AP3B1: variants seen among roughly 807,000 people sequenced by gnomAD.
The protein encoded by AP3B1 is adaptor related protein complex 3 subunit beta 1.
Under a neutral mutation model 132.5 loss-of-function variants are expected in AP3B1, and 61 were observed. The ratio of observed to expected loss-of-function variants is 0.46; its 90% CI spans 0.37 to 0.57. The LOEUF (loss-of-function observed/expected upper bound fraction) is 0.57, where lower values mean the gene tolerates loss of function less well. Ranked by LOEUF, AP3B1 falls within the 20% of genes least tolerant of loss-of-function variation. The pLI, the probability that AP3B1 is intolerant of heterozygous loss-of-function variation, is 0.00. For synonymous variants in AP3B1, 388 were observed against 438.3 expected, an observed-to-expected ratio of 0.89 and a Z score of 1.43; for missense variants, 1,120 against 1,289.4, an observed-to-expected ratio of 0.87 and a Z score of 2.01.
At chr5:78,290,723 C>T (rs189084695) in intron 1 of AP3B1, among the ~76,000 whole-genome samples, 3 of 152,140 alleles carry the variant, frequency 2.0e-5, no homozygotes, top group Non-Finnish European at 4.4e-5. Flanking sequence ...ATGAGGCAGG[C>T]GGATTGCTTG....
intron 21 of AP3B1, among the ~76,000 whole-genome samples, chr5:78,097,045 CGTCCGGG>C (rs1750853585): frequency 1.6e-4 from 19 of 122,410 alleles, no homozygotes; most frequent in African/African-American, 4.7e-4. Flanking sequence ...CCAGCCGCCC[CGTCCGGG>C]AGGGAGGTTG....
chr5:78,198,529 G>A (rs570397682), intron 7 of AP3B1, among the ~76,000 whole-genome samples: 1 of 152,208 alleles, frequency 6.6e-6, no homozygotes, highest in East Asian at 1.9e-4. Context: ...CCCATTATGA[G>A]GTCCCCACTC....
At chr5:78,097,495 T>G (rs1580343215) in intron 21 of AP3B1, among the ~76,000 whole-genome samples, 1 of 89,986 alleles carries the variant, frequency 1.1e-5, no homozygotes, top group African/African-American at 4.4e-5. Flanking sequence ...AGCCGCCCCG[T>G]CCGGGAGGGA....
chr5:78,195,257 G>C (rs900587362), intron 7 of AP3B1, among the ~76,000 whole-genome samples: 1 of 152,154 alleles, frequency 6.6e-6, no homozygotes, highest in Admixed American at 6.5e-5. Flanking sequence ...CTGATGAACA[G>C]TGCAGCTACG....
At chr5:78,224,895 G>C (rs1373866717) in intron 6 of AP3B1, among the ~76,000 whole-genome samples, 1 of 151,974 alleles carries the variant, frequency 6.6e-6, no homozygotes, top group Non-Finnish European at 1.5e-5. Flanking sequence ...TTTCAATAAT[G>C]AATAGAACAA....
At chr5:78,042,794 T>C (rs1392555883) in intron 22 of AP3B1, 1 of 156,510 alleles carries the variant, frequency 6.4e-6, no homozygotes, top group Non-Finnish European at 1.5e-5. Flanking sequence ...AGTTTGTTGT[T>C]CTTTTTTTCT....
At chr5:78,001,741 T>C (rs904903296), downstream of AP3B1, 1 of 152,206 alleles carries the variant, frequency 6.6e-6, no homozygotes, top group African/African-American at 2.4e-5. Context: ...TCATTATGTA[T>C]GTGGCTCTAT....
intron 24 of AP3B1, among the ~76,000 whole-genome samples, chr5:78,029,122 G>A (rs1747462359): frequency 6.6e-6 from 1 of 152,078 alleles, no homozygotes; most frequent in Non-Finnish European, 1.5e-5. Flanking sequence ...AAACCTGTAT[G>A]TATCTATACC....
rs188173713 is a variant in AP3B1 at position 78,200,883 on chromosome 5, C to G, written c.786+15172G>C. ...CCAACCCTAAATTCTTATGTTGAAGCCTTAACCTCCAAATATGACTATATT... is the reference window on the plus strand; with the variant it reads ...CCAACCCTAAATTCTTATGTTGAAGGCTTAACCTCCAAATATGACTATATT... On this transcript the variant is annotated intron_variant, in intron 7 of 26. Transcript: ENST00000255194. Among the ~76,000 whole-genome samples, 67 of 152,136 alleles carry G rather than the reference C, an allele frequency of 4.4e-4. 1 individual carries two copies. The East Asian group carries it at 0.013, about 29-fold the overall frequency.
At chr5:78,099,162 T>A (rs1283291512) in intron 21 of AP3B1, among the ~76,000 whole-genome samples, 1 of 152,176 alleles carries the variant, frequency 6.6e-6, no homozygotes, top group African/African-American at 2.4e-5. Flanking sequence ...TCACCTATCA[T>A]CAAATACGCT....
chr5:78,206,283 T>C (rs1273943050), intron 7 of AP3B1, among the ~76,000 whole-genome samples: 1 of 152,156 alleles, frequency 6.6e-6, no homozygotes, highest in Non-Finnish European at 1.5e-5. Context: ...CAAACTAAAA[T>C]AGACCATTTC....
At position 78,228,158 on chromosome 5, in the gene AP3B1, G is replaced by A. The variant is rs1746477414; in HGVS notation, c.361C>T (p.Gln121Ter). The change falls in exon 4 of 27, where the codon CAG becomes TAG. Residue 121 changes from glutamine (Q) to a stop codon, truncating the protein, a stop_gained. Coordinates refer to ENST00000255194, the MANE Select transcript of AP3B1 (RefSeq NM_003664.5). LOFTEE classifies it high-confidence loss of function. ...DLALLSISTF[Q>*]RALKDPNQLI... is the part of the protein sequence containing the mutation. ...CCATTATTTACCTTCAGAGCTCGCT[G>A]AAAAGTGCTTATGGACAGGAGTGCA... The A allele has an allele frequency of 1.2e-6, 2 of 1,605,184 alleles. No homozygotes were observed. Among genetic ancestry groups the A allele is most frequent in the South Asian group, 1.1e-5 (1 of 89,202 alleles).
At chr5:78,061,673 G>A (rs139776753) in intron 22 of AP3B1, among the ~76,000 whole-genome samples, 11 of 152,302 alleles carry the variant, frequency 7.2e-5, no homozygotes, top group East Asian at 5.8e-4. Flanking sequence ...CACTGTCAGC[G>A]CGCAAGGCTG....
intron 22 of AP3B1, among the ~76,000 whole-genome samples, chr5:78,075,159 T>C (rs908275001): frequency 4.0e-5 from 6 of 151,858 alleles, no homozygotes; most frequent in African/African-American, 1.5e-4. Context: ...TAGTAGCAAT[T>C]AAAAGAGAGT....
At chr5:78,130,599 A>G (rs1460612385) in intron 15 of AP3B1, among the ~76,000 whole-genome samples, 4 of 152,088 alleles carry the variant, frequency 2.6e-5, no homozygotes, top group Admixed American at 2.6e-4. Flanking sequence ...GTTCAAGTAC[A>G]GGTAAGAAAA....
chr5:78,256,785 G>A (rs549911453), intron 2 of AP3B1, among the ~76,000 whole-genome samples: 8 of 152,070 alleles, frequency 5.3e-5, no homozygotes, highest in African/African-American at 1.7e-4. Flanking sequence ...ATGCTAGAAA[G>A]CTGAGTTCAA....
At chr5:78,151,396 G>A (rs1753642887) in intron 14 of AP3B1, among the ~76,000 whole-genome samples, 1 of 152,168 alleles carries the variant, frequency 6.6e-6, no homozygotes. Flanking sequence ...AGGACTTCCA[G>A]TACTGTGTTG....
rs1327616204 is a variant in AP3B1 at position 78,232,858 on chromosome 5, C to G, written c.280-4619G>C. On this transcript the variant is annotated intron_variant, in intron 3 of 26. Coordinates refer to ENST00000255194, the MANE Select transcript of AP3B1 (RefSeq NM_003664.5). The stretch of plus-strand genomic sequence containing the variant: ...AAAAGTTGGGACCACAGGTGCACAC[C>G]ACCACGCCCAGCTAATTTTTGTATT... Among the ~76,000 whole-genome samples, 5 of 152,108 alleles carry G rather than the reference C, an allele frequency of 3.3e-5. No individual in the cohort carries two copies. In the South Asian group the frequency reaches 1.0e-3, roughly 32 times the overall value.
chr5:78,031,234 G>A (rs1747563399), intron 24 of AP3B1, among the ~76,000 whole-genome samples: 1 of 152,018 alleles, frequency 6.6e-6, no homozygotes, highest in African/African-American at 2.4e-5. Flanking sequence ...CTCTCCCCTG[G>A]GTGGGCTGAC....
Sources: allele counts gnomAD v4.1 joint callset (sites outside exome capture counted in the v4.1 genomes callset), GRCh38; gene constraint gnomAD v4.1.1; transcripts MANE v1.5; gene names NCBI Gene and HGNC (gene_info 2026-07-23, HGNC 2026-07-21).